The following DHTKD1 variants were observed in gnomAD, a reference collection of about 807,000 sequenced individuals.
DHTKD1 encodes dehydrogenase E1 and transketolase domain containing 1.
Under a neutral mutation model 101.8 loss-of-function variants are expected in DHTKD1, and 78 were observed. The observed-to-expected ratio is 0.77, with a 90% CI of 0.64 to 0.93. DHTKD1 has a LOEUF of 0.93. DHTKD1 is among the 40% of genes least tolerant of loss of function. DHTKD1 has a pLI of 0.00. For missense variants in DHTKD1, 1,223 were observed against 1,161.7 expected, an observed-to-expected ratio of 1.05 and a Z score of -0.77; for synonymous variants, 462 against 450.3, an observed-to-expected ratio of 1.03 and a Z score of -0.33.
chr10:12,112,931 G>A lies in DHTKD1; in HGVS notation c.2186G>A (p.Gly729Glu). Residue 729 changes from glycine (G) to glutamate (E), a missense_variant, in exon 13 of 17, where the codon GGA becomes GAA. Gly to Glu is a moderately conservative substitution (Grantham distance 98). Coordinates refer to ENST00000263035, the MANE Select transcript of DHTKD1 (RefSeq NM_018706.7). ...GACAGTGCGGAAGAGGGGGTGGACG[G>A]AGACACTGTGAACATGTTTGTGGTT... is the stretch of plus-strand genomic sequence containing the variant. ...MCDSAEEGVDGDTVNMFVVHP... is the reference protein window; with the variant it reads ...MCDSAEEGVDEDTVNMFVVHP... The A allele has an allele frequency of 6.2e-7, 1 of 1,611,752 alleles. No homozygotes were observed.
chr10:12,083,349 C>T (rs1832852074), intron 2 of DHTKD1, among the ~76,000 whole-genome samples: 1 of 152,008 alleles, frequency 6.6e-6, no homozygotes, highest in South Asian at 2.1e-4. Context: ...TGTTGGGCCA[C>T]ATTCAAAGCT....
intron 1 of DHTKD1, among the ~76,000 whole-genome samples, chr10:12,080,110 G>A (rs1832791179): frequency 6.6e-6 from 1 of 151,836 alleles, no homozygotes; most frequent in Non-Finnish European, 1.5e-5. Flanking sequence ...GAAACCCTGT[G>A]TCTACTAAAA....
chr10:12,086,852 G>A (rs933662776), intron 3 of DHTKD1, among the ~76,000 whole-genome samples: 1 of 151,938 alleles, frequency 6.6e-6, no homozygotes, highest in East Asian at 1.9e-4. Context: ...CACCACACCC[G>A]GCTAATTTTT....
chr10:12,108,315 TG>T (rs1311446303), intron 12 of DHTKD1, among the ~76,000 whole-genome samples: 7 of 152,310 alleles, frequency 4.6e-5, no homozygotes, highest in Non-Finnish European at 8.8e-5. Flanking sequence ...GGTCTCGCTC[TG>T]TTGCCCAGGC....
At chr10:12,114,389 C>T (rs967658697) in intron 13 of DHTKD1, among the ~76,000 whole-genome samples, 8 of 151,856 alleles carry the variant, frequency 5.3e-5, no homozygotes, top group Non-Finnish European at 1.2e-4. Flanking sequence ...CTCCAACTCC[C>T]GGGTTCAAGC....
chr10:12,092,150 A>C (rs1833000432), intron 6 of DHTKD1, among the ~76,000 whole-genome samples: 1 of 151,600 alleles, frequency 6.6e-6, no homozygotes, highest in Non-Finnish European at 1.5e-5. Flanking sequence ...CACCTGTCTA[A>C]TTTTTGTATT....
At chr10:12,097,482 C>T (rs987302126) in intron 7 of DHTKD1, among the ~76,000 whole-genome samples, 1 of 152,050 alleles carries the variant, frequency 6.6e-6, no homozygotes, top group African/African-American at 2.4e-5. Flanking sequence ...CCACGTTGGC[C>T]AGGCTGGTCC....
intron 10 of DHTKD1, 95 bp downstream of exon 10, chr10:12,101,276 G>A: frequency 7.1e-7 from 1 of 1,406,864 alleles, no homozygotes; most frequent in East Asian, 2.5e-5. Context: ...GGCAACTTTG[G>A]GTTCAGTACT....
At chr10:12,090,631 T>G (rs1832977538) in intron 5 of DHTKD1, among the ~76,000 whole-genome samples, 1 of 152,090 alleles carries the variant, frequency 6.6e-6, no homozygotes, top group Admixed American at 6.6e-5. Flanking sequence ...TACAGGTGCA[T>G]GCCATCATAC....
chr10:12,068,993 G>C lies in DHTKD1; in HGVS notation c.-41G>C, dbSNP rs764875658. The C allele has an allele frequency of 5.0e-6, 8 of 1,609,552 alleles. No individual in the cohort carries two copies. In the Admixed American group the frequency reaches 6.7e-5, roughly 13 times the overall value. On this transcript the variant is annotated 5_prime_UTR_variant, in exon 1 of 17. Transcript: ENST00000263035. ...TTACCAGGGCCGGTGGGATCCCCTC[G>C]GGCTCCCGCCTTAGCATGCTGGCCG...
rs544348745 is a variant in DHTKD1 at position 12,094,617 on chromosome 10, A to G, written c.1358+346A>G. Among the ~76,000 whole-genome samples, 340 of 152,234 alleles carry G rather than the reference A, an allele frequency of 2.2e-3. 2 individuals are homozygous for G. The highest frequency in any genetic ancestry group is 7.9e-3 in the African/African-American group (327 of 41,538). On this transcript the variant is annotated intron_variant, in intron 7 of 16. Transcript: ENST00000263035. ...CTCCCAAAGTGCTGGGATTACAGGC[A>G]TGAGCCACCATGCCCAGGCAGGACA...
At chr10:12,095,868 G>A (rs1043843531) in intron 7 of DHTKD1, among the ~76,000 whole-genome samples, 7 of 149,618 alleles carry the variant, frequency 4.7e-5, no homozygotes, top group South Asian at 2.1e-4. Context: ...AAATTAGCTG[G>A]CGTTGTGGCG....
chr10:12,115,090 C>T (rs542937990), intron 13 of DHTKD1, among the ~76,000 whole-genome samples: 5 of 12,988 alleles, frequency 3.8e-4, no homozygotes, highest in Non-Finnish European at 2.8e-3. Context: ...CCACCGCTCC[C>T]GGCCTGTTTG....
chr10:12,085,395 A>G (rs993709170), intron 3 of DHTKD1, among the ~76,000 whole-genome samples: 1 of 152,182 alleles, frequency 6.6e-6, no homozygotes. Flanking sequence ...AACACAACAG[A>G]TCATATAACA....
intron 13 of DHTKD1, 54 bp downstream of exon 13, chr10:12,113,118 AT>A: frequency 1.4e-6 from 2 of 1,417,338 alleles, no homozygotes; most frequent in Non-Finnish European, 1.9e-6. Flanking sequence ...TTTGCACTCC[AT>A]TTTTCCCTAT....
At position 12,103,758 on chromosome 10, in the gene DHTKD1, C is replaced by T. The variant is rs1833206239; in HGVS notation, c.1897-2488C>T. On this transcript the variant is annotated intron_variant, in intron 10 of 16. Transcript: ENST00000263035. The surrounding 1 kb of genome is among the most constrained non-coding windows in gnomAD (Gnocchi z 4.8). ...CTTGAATTCCTGGCCTCAAGCAATC[C>T]TCCTGCCTTGGCCTCCCAAAGTGCT... Among the ~76,000 whole-genome samples, 1 of 152,128 alleles carries T rather than the reference C, an allele frequency of 6.6e-6. No homozygotes were observed. Among genetic ancestry groups the T allele is most frequent in the Admixed American group, 6.6e-5 (1 of 15,252 alleles).
In DHTKD1 at chr10:12,122,207, G is replaced by A. The variant is rs991537117; in HGVS notation, c.*1319G>A. On this transcript the variant is annotated 3_prime_UTR_variant, in exon 17 of 17. Transcript: ENST00000263035. The stretch of plus-strand genomic sequence containing the variant: ...TGTTTTTCTTTAAATTGTTCTTACA[G>A]TGATATCTTACTATTTTTAACTGTC... 1 of 152,202 alleles carries A rather than the reference G, an allele frequency of 6.6e-6. No homozygotes were observed. The highest frequency in any genetic ancestry group is 1.5e-5 in the Non-Finnish European group (1 of 68,038). 9.4% of individuals were successfully genotyped at this position (152,202 alleles called of 1,614,324 possible). A position where few individuals can be genotyped will look rare whatever the true frequency, so the allele number is the denominator to read the frequency against.
In DHTKD1 at chr10:12,107,858, A is replaced by G; in HGVS notation, c.2048-51A>G. 2.3e-6 allele frequency: 3 copies of G among 1,295,366 alleles called. No individual in the cohort carries two copies. Among genetic ancestry groups the G allele is most frequent in the Non-Finnish European group, 3.3e-6 (3 of 899,060 alleles). 80.2% of individuals were successfully genotyped at this position (1,295,366 alleles called of 1,614,324 possible). ...TTCCCCAGCTGAGTCGTGTCAGGCC[A>G]CTTTGTCCCCGCTTCGTAGAGCTCT... On this transcript the variant is annotated intron_variant, in intron 11 of 16. Transcript: ENST00000263035. This position sits in a 1 kb window ranked among gnomAD's most constrained non-coding sequence, Gnocchi z 4.1.
intron 4 of DHTKD1, among the ~76,000 whole-genome samples, chr10:12,088,090 G>A (rs1464858219): frequency 6.6e-6 from 1 of 151,108 alleles, no homozygotes; most frequent in Non-Finnish European, 1.5e-5. Flanking sequence ...TCCAGGCTGG[G>A]CAACAAAGCA....
Sources: gnomAD v4.1 joint callset for allele counts (sites outside exome capture counted in the v4.1 genomes callset) on GRCh38, gnomAD v4.1.1 for gene constraint, Gnocchi (gnomAD v3.1) non-coding constraint, MANE v1.5 for transcripts, NCBI Gene and HGNC (gene_info 2026-07-23, HGNC 2026-07-21) for gene names.